The following HCN1 variants were observed in gnomAD, a reference collection of about 807,000 sequenced individuals.
HCN1 encodes hyperpolarization activated cyclic nucleotide gated potassium channel 1.
HCN1 carries 13 observed loss-of-function variants against 78.9 expected under a neutral mutation model. The observed-to-expected ratio is 0.16, with a 90% CI of 0.11 to 0.26. HCN1 has a LOEUF of 0.26. Ranked by LOEUF, HCN1 falls within the 10% of genes least tolerant of loss-of-function variation. HCN1 has a pLI of 1.00. For synonymous variants in HCN1, 552 were observed against 455.5 expected, an observed-to-expected ratio of 1.21 and a Z score of -2.70; for missense variants, 810 against 1,154.3, an observed-to-expected ratio of 0.70 and a Z score of 4.32.
chr5:45,348,345 C>T (rs1008432087), intron 5 of HCN1, among the ~76,000 whole-genome samples: 2 of 151,674 alleles, frequency 1.3e-5, no homozygotes, highest in African/African-American at 2.4e-5. Flanking sequence ...CAGGCCTGCC[C>T]TAAAAGAGCT....
intron 2 of HCN1, among the ~76,000 whole-genome samples, chr5:45,495,810 AG>A (rs1273201295): frequency 3.9e-5 from 6 of 152,190 alleles, no homozygotes; most frequent in Non-Finnish European, 7.3e-5. Flanking sequence ...TTTAGCATGA[AG>A]GGTTGTTGAA....
chr5:45,579,296 C>G (rs1744010173), intron 2 of HCN1, among the ~76,000 whole-genome samples: 1 of 151,968 alleles, frequency 6.6e-6, no homozygotes, highest in Non-Finnish European at 1.5e-5. Context: ...TTCCTTTATA[C>G]CAAGCTGTAG....
chr5:45,327,742 C>G (rs1342382259), intron 5 of HCN1, among the ~76,000 whole-genome samples: 1 of 151,502 alleles, frequency 6.6e-6, no homozygotes, highest in African/African-American at 2.4e-5. Flanking sequence ...ATCTGACTGG[C>G]TGACTGGCGT....
chr5:45,540,175 T>TA (rs944096235), intron 2 of HCN1, among the ~76,000 whole-genome samples: 1 of 151,994 alleles, frequency 6.6e-6, no homozygotes, highest in African/African-American at 2.4e-5. Flanking sequence ...TTTCAACTGC[T>TA]TACTGACTTT....
At chr5:45,319,443 T>A (rs987469633) in intron 5 of HCN1, among the ~76,000 whole-genome samples, 5 of 151,880 alleles carry the variant, frequency 3.3e-5, no homozygotes, top group Non-Finnish European at 1.5e-5. Flanking sequence ...GTAGTTTTAA[T>A]ATGCATTTTC....
intron 4 of HCN1, among the ~76,000 whole-genome samples, chr5:45,372,014 A>G (rs1747382942): frequency 1.3e-5 from 1 of 78,316 alleles, no homozygotes; most frequent in African/African-American, 5.2e-5. Flanking sequence ...TATATATCAT[A>G]TAATATATAT....
chr5:45,401,139 T>A (rs1739795434), intron 3 of HCN1, among the ~76,000 whole-genome samples: 1 of 152,148 alleles, frequency 6.6e-6, no homozygotes, highest in Non-Finnish European at 1.5e-5. Context: ...GTTCAAAGAG[T>A]AAGATTTTCA....
chr5:45,608,121 A>G (rs1462794258), intron 2 of HCN1, among the ~76,000 whole-genome samples: 1 of 151,988 alleles, frequency 6.6e-6, no homozygotes, highest in Admixed American at 6.6e-5. Flanking sequence ...ATACTATTTA[A>G]AATAAGAACT....
At chr5:45,577,265 A>C (rs1324595889) in intron 2 of HCN1, among the ~76,000 whole-genome samples, 1 of 152,076 alleles carries the variant, frequency 6.6e-6, no homozygotes. Context: ...CATATGCATC[A>C]ATTGCTAGAA....
intron 4 of HCN1, among the ~76,000 whole-genome samples, chr5:45,372,126 A>G (rs1486193490): frequency 2.6e-4 from 14 of 54,608 alleles, no homozygotes; most frequent in South Asian, 1.1e-3. Context: ...TATATATTAT[A>G]TATATAATAT....
intron 4 of HCN1, among the ~76,000 whole-genome samples, chr5:45,373,670 C>T (rs1281472441): frequency 1.2e-3 from 140 of 119,562 alleles, no homozygotes; most frequent in African/African-American, 3.1e-3. Flanking sequence ...ACGGTATATA[C>T]GTCATCTATA....
At chr5:45,561,280 T>C (rs1337289096) in intron 2 of HCN1, among the ~76,000 whole-genome samples, 1 of 152,102 alleles carries the variant, frequency 6.6e-6, no homozygotes, top group Non-Finnish European at 1.5e-5. Context: ...AAAAATAATT[T>C]CTATTCATTG....
chr5:45,539,866 AT>A (rs1321044617), intron 2 of HCN1, among the ~76,000 whole-genome samples: 1 of 144,218 alleles, frequency 6.9e-6, no homozygotes, highest in Non-Finnish European at 1.5e-5. Flanking sequence ...TAAATGTATA[AT>A]TTTTTTACTT....
intron 3 of HCN1, among the ~76,000 whole-genome samples, chr5:45,435,696 A>G (rs898224084): frequency 3.3e-5 from 5 of 152,210 alleles, no homozygotes; most frequent in African/African-American, 1.2e-4. Flanking sequence ...AAGATATTAA[A>G]TGAGACTTTG....
chr5:45,539,120 G>A (rs1228111273), intron 2 of HCN1, among the ~76,000 whole-genome samples: 2 of 152,102 alleles, frequency 1.3e-5, no homozygotes, highest in Admixed American at 1.3e-4. Context: ...CTACTAAATT[G>A]ATTCTAAGCA....
At chr5:45,671,525 T>G (rs2112075882) in intron 1 of HCN1, among the ~76,000 whole-genome samples, 1 of 151,592 alleles carries the variant, frequency 6.6e-6, no homozygotes, top group Admixed American at 6.6e-5. Context: ...TTTCAGCACC[T>G]AATACATGGT....
chr5:45,431,567 G>T (rs948974120), intron 3 of HCN1, among the ~76,000 whole-genome samples: 1 of 152,082 alleles, frequency 6.6e-6, no homozygotes, highest in South Asian at 2.1e-4. Flanking sequence ...ACAGTTTTAG[G>T]TTCTATATTT....
intron 4 of HCN1, among the ~76,000 whole-genome samples, chr5:45,376,588 A>G (rs185141492): frequency 3.8e-4 from 57 of 151,856 alleles, no homozygotes; most frequent in Middle Eastern, 6.8e-3. Context: ...CAAGCATGAT[A>G]ACATTTGGCT....
intron 1 of HCN1, among the ~76,000 whole-genome samples, chr5:45,662,884 A>G (rs1442988529): frequency 5.3e-5 from 1 of 18,892 alleles, no homozygotes; most frequent in South Asian, 4.5e-3. Flanking sequence ...ATACTGCCCA[A>G]GGTAATTTAC....
Sources: allele counts gnomAD v4.1 joint callset (sites outside exome capture counted in the v4.1 genomes callset), GRCh38; gene constraint gnomAD v4.1.1; transcripts MANE v1.5; gene names NCBI Gene and HGNC (gene_info 2026-07-23, HGNC 2026-07-21).